Variants in SLC9D1 observed in about 807,000 individuals in gnomAD.
The protein encoded by SLC9D1 is solute carrier family 9 member D1.
chr13:113,538,101 G>T, the SLC9D1 span, among the ~76,000 whole-genome samples: 1 of 147,698 alleles, frequency 6.8e-6, no homozygotes, highest in Non-Finnish European at 1.5e-5. Flanking sequence ...AATGTTACAT[G>T]TGCATGTATG....
At chr13:113,525,566 G>A in the SLC9D1 span, among the ~76,000 whole-genome samples, 2 of 130,022 alleles carry the variant, frequency 1.5e-5, no homozygotes, top group African/African-American at 5.0e-5. Flanking sequence ...CATCATAGGA[G>A]ACGACAGCTC....
the SLC9D1 span, among the ~76,000 whole-genome samples, chr13:113,507,936 T>C: frequency 6.6e-6 from 1 of 152,216 alleles, no homozygotes; most frequent in Non-Finnish European, 1.5e-5. Context: ...CCTCCTGACC[T>C]TCAGCCCACA....
At chr13:113,498,751 C>T in the SLC9D1 span, 323 of 382,752 alleles carry the variant, frequency 8.4e-4, no homozygotes, top group African/African-American at 6.3e-3. Context: ...TCCTCAGCAG[C>T]TTGTCTGCAT....
chr13:113,544,798 G>T, the SLC9D1 span, among the ~76,000 whole-genome samples: 2 of 152,240 alleles, frequency 1.3e-5, no homozygotes, highest in African/African-American at 4.8e-5. Flanking sequence ...AGCTCCCGCA[G>T]ACCCTGTCTC....
chr13:113,501,361 A>G, the SLC9D1 span, among the ~76,000 whole-genome samples: 1 of 152,230 alleles, frequency 6.6e-6, no homozygotes, highest in Non-Finnish European at 1.5e-5. Flanking sequence ...TGTAGGTATC[A>G]TAAGTAATCT....
At chr13:113,526,666 C>T in the SLC9D1 span, among the ~76,000 whole-genome samples, 4 of 152,246 alleles carry the variant, frequency 2.6e-5, no homozygotes, top group African/African-American at 9.6e-5. Flanking sequence ...CTGCAGTGAG[C>T]TGTGATCATA....
the SLC9D1 span, among the ~76,000 whole-genome samples, chr13:113,496,237 C>T: frequency 6.6e-6 from 1 of 152,324 alleles, no homozygotes; most frequent in South Asian, 2.1e-4. Flanking sequence ...GAGGGAGAAT[C>T]TTTTCCTTTT....
chr13:113,539,423 C>T, the SLC9D1 span: 2 of 1,613,590 alleles, frequency 1.2e-6, no homozygotes, highest in African/African-American at 1.3e-5. This position sits in a 1 kb window ranked among gnomAD's most constrained non-coding sequence, Gnocchi z 4.8. Flanking sequence ...CGTCTCCTCT[C>T]AGGGCCCCGT....
chr13:113,520,611 C>CA, the SLC9D1 span: 3 of 1,606,608 alleles, frequency 1.9e-6, no homozygotes, highest in Non-Finnish European at 2.6e-6. Context: ...CCTTTCCCCC[C>CA]ACAGGCGACA....
At chr13:113,548,884 G>C in the SLC9D1 span, among the ~76,000 whole-genome samples, 2 of 152,158 alleles carry the variant, frequency 1.3e-5, no homozygotes, top group Admixed American at 6.5e-5. Context: ...CATTGTGTAA[G>C]TGTGAGGCGG....
the SLC9D1 span, chr13:113,501,775 G>A: frequency 6.2e-7 from 1 of 1,610,440 alleles, no homozygotes; most frequent in Non-Finnish European, 8.5e-7. Flanking sequence ...TAGGAATGCT[G>A]TCCTTGCCTT....
the SLC9D1 span, among the ~76,000 whole-genome samples, chr13:113,538,109 ATG>A: frequency 4.9e-5 from 7 of 143,070 alleles, no homozygotes; most frequent in Admixed American, 7.4e-5. Flanking sequence ...ATGTGCATGT[ATG>A]TGTTTGTGCA....
At chr13:113,507,308 A>G in the SLC9D1 span, among the ~76,000 whole-genome samples, 2 of 152,146 alleles carry the variant, frequency 1.3e-5, no homozygotes, top group Admixed American at 6.5e-5. Context: ...AAACGACATT[A>G]TTAAGCAATG....
the SLC9D1 span, among the ~76,000 whole-genome samples, chr13:113,511,297 C>T: frequency 2.6e-5 from 4 of 152,220 alleles, no homozygotes; most frequent in Non-Finnish European, 5.9e-5. Context: ...ACAGAACACA[C>T]AGGCATAGAA....
At chr13:113,510,206 A>T in the SLC9D1 span, 3 of 1,597,916 alleles carry the variant, frequency 1.9e-6, no homozygotes. Context: ...GTTGTCACTA[A>T]AAAGTGTGTG....
the SLC9D1 span, among the ~76,000 whole-genome samples, chr13:113,522,363 C>T: frequency 3.9e-5 from 6 of 152,222 alleles, no homozygotes; most frequent in Admixed American, 1.3e-4. Context: ...TTGTTTGAGA[C>T]GGAGTCTCGC....
At chr13:113,510,234 T>C in the SLC9D1 span, 26 of 1,613,728 alleles carry the variant, frequency 1.6e-5, no homozygotes, top group East Asian at 2.2e-5. Flanking sequence ...GTGTTCTCTT[T>C]AAGGTGTGGA....
chr13:113,503,696 G>T, the SLC9D1 span: 1 of 672,076 alleles, frequency 1.5e-6, no homozygotes, highest in South Asian at 1.8e-5. Context: ...AATGTTTTTA[G>T]AATAGAATAT....
At chr13:113,498,727 ACAGT>A in the SLC9D1 span, 16 of 437,026 alleles carry the variant, frequency 3.7e-5, no homozygotes, top group Non-Finnish European at 5.2e-5. Flanking sequence ...TTTAACACCG[ACAGT>A]CAGTTCCCCT....
Sources: allele counts gnomAD v4.1 joint callset (sites outside exome capture counted in the v4.1 genomes callset), GRCh38; gene constraint gnomAD v4.1.1; non-coding constraint Gnocchi (gnomAD v3.1); transcripts MANE v1.5; gene names NCBI Gene and HGNC (gene_info 2026-07-23, HGNC 2026-07-21).